Variants in NPC1 observed in about 807,000 individuals in gnomAD.
NPC1 encodes Niemann-Pick C1 protein.
A neutral mutation model predicts 140.4 loss-of-function variants in NPC1; 85 were observed. That is an observed-to-expected ratio of 0.61 (90% CI 0.51 to 0.72). The LOEUF (loss-of-function observed/expected upper bound fraction) is 0.72, where lower values mean the gene tolerates loss of function less well. Among genes scored for constraint, NPC1 ranks in the 30% least tolerant of loss-of-function variants. The pLI is 0.00. For missense variants in NPC1, 1,504 were observed against 1,623.8 expected, an observed-to-expected ratio of 0.93 and a Z score of 1.27; for synonymous variants, 656 against 624.8, an observed-to-expected ratio of 1.05 and a Z score of -0.74.
intron 1 of NPC1, among the ~76,000 whole-genome samples, chr18:23,585,447 C>T (rs1387997796): frequency 6.6e-6 from 1 of 152,170 alleles, no homozygotes; most frequent in East Asian, 1.9e-4. Flanking sequence ...TCCCCTGATT[C>T]ACCACTTCCT....
intron 3 of NPC1, among the ~76,000 whole-genome samples, chr18:23,512,112 C>G (rs904134564): frequency 1.7e-4 from 25 of 151,208 alleles, no homozygotes; most frequent in Admixed American, 1.6e-3. Context: ...CCTCCACCTC[C>G]TGGGTTCAAG....
Position 23,539,488 on chromosome 18 carries a change from G to A in NPC1, c.2796-18C>T. The A allele has an allele frequency of 6.5e-7, 1 of 1,544,122 alleles. No homozygotes were observed. Among genetic ancestry groups the A allele is most frequent in the Admixed American group, 1.7e-5 (1 of 59,616 alleles). On this transcript the variant is annotated intron_variant, in intron 18 of 24. Transcript: ENST00000269228. ...TTCGGGTACTAGAGAGGACAGACAG[G>A]GTTACTGACCTGCTCCACAGGGAGG...
Position 23,544,890 on chromosome 18 carries a change from G to A in NPC1, c.1947+70C>T, listed in dbSNP as rs1598955742. The A allele has an allele frequency of 6.2e-6, 7 of 1,135,934 alleles. No individual in the cohort carries two copies. The East Asian group carries it at 1.7e-4, about 27-fold the overall frequency. 70.4% of individuals were successfully genotyped at this position (1,135,934 alleles called of 1,614,324 possible). On this transcript the variant is annotated intron_variant, in intron 12 of 24. Coordinates refer to ENST00000269228, the MANE Select transcript of NPC1 (RefSeq NM_000271.5). ...AACATAATGGAATAAGAATAAAGAG[G>A]CAAAAATATGACGTTACACTGTGCA...
downstream of NPC1, chr18:23,530,062 T>G (rs1164820747): frequency 1.2e-6 from 2 of 1,614,224 alleles, no homozygotes; most frequent in Non-Finnish European, 1.7e-6. Flanking sequence ...AAAACCCTTG[T>G]CCAGCACAAC....
intron 3 of NPC1, among the ~76,000 whole-genome samples, chr18:23,512,973 AG>A (rs2057902641): frequency 6.6e-6 from 1 of 151,604 alleles, no homozygotes; most frequent in Non-Finnish European, 1.5e-5. Context: ...TTTTTTTTTA[AG>A]ATGGAGTCTT....
At chr18:23,514,975 A>AGT (rs2057961763) in intron 3 of NPC1, among the ~76,000 whole-genome samples, 2 of 152,260 alleles carry the variant, frequency 1.3e-5, no homozygotes, top group Admixed American at 1.3e-4. Flanking sequence ...TGGATTATAA[A>AGT]GTACTGCATT....
At chr18:23,530,306 G>C (rs776428229), downstream of NPC1, 3 of 1,614,090 alleles carry the variant, frequency 1.9e-6, no homozygotes, top group African/African-American at 4.0e-5. Flanking sequence ...AGGTAACTCT[G>C]ATGTGTGAGG....
At chr18:23,569,376 G>A (rs1019394149) in intron 3 of NPC1, among the ~76,000 whole-genome samples, 1 of 152,186 alleles carries the variant, frequency 6.6e-6, no homozygotes, top group African/African-American at 2.4e-5. Flanking sequence ...CAGGCTGAGT[G>A]CAGTGGTGTG....
At chr18:23,571,526 A>G (rs999393963) in intron 3 of NPC1, among the ~76,000 whole-genome samples, 2 of 152,066 alleles carry the variant, frequency 1.3e-5, no homozygotes, top group African/African-American at 4.8e-5. Context: ...GTGTGGTGGC[A>G]TGTGCCTGCA....
rs886998271 is a variant in NPC1 at position 23,531,887 on chromosome 18, C to T, written c.*315G>A. 3 of 1,420,970 alleles carry T rather than the reference C, an allele frequency of 2.1e-6. No homozygotes were observed. Among genetic ancestry groups the T allele is most frequent in the African/African-American group, 2.9e-5 (2 of 69,402 alleles). The allele number at this position is 1,420,970 out of a possible 1,614,324, so 88.0% of individuals were successfully genotyped here. ...AGAGACAGACAGTGCATTGATTGGC[C>T]TTTACAGAGTGTCAGTGAGCGGATC... On this transcript the variant is annotated 3_prime_UTR_variant, in exon 25 of 25. Coordinates refer to ENST00000269228, the MANE Select transcript of NPC1 (RefSeq NM_000271.5).
chr18:23,572,417 C>T (rs1265927006), intron 2 of NPC1, among the ~76,000 whole-genome samples: 1 of 152,026 alleles, frequency 6.6e-6, no homozygotes, highest in East Asian at 1.9e-4. Context: ...CTCTCCTCTC[C>T]TGACAATCAT....
At chr18:23,558,010 T>TA (rs2058979992) in intron 6 of NPC1, among the ~76,000 whole-genome samples, 2 of 151,898 alleles carry the variant, frequency 1.3e-5, no homozygotes, top group Admixed American at 6.6e-5. Flanking sequence ...CCCACAGAAT[T>TA]AAAAGTCCAT....
intron 4 of NPC1, among the ~76,000 whole-genome samples, chr18:23,563,510 C>T (rs1475740821): frequency 1.3e-5 from 2 of 151,998 alleles, no homozygotes; most frequent in African/African-American, 4.8e-5. Flanking sequence ...CAACCTCTGC[C>T]CCTCAGGCTC....
Position 23,541,342 on chromosome 18 carries a change from GA to G in NPC1, c.2336del (p.Phe779SerfsTer2). The G allele has an allele frequency of 1.2e-6, 2 of 1,614,216 alleles. No homozygotes were observed. Among genetic ancestry groups the G allele is most frequent in the Non-Finnish European group, 1.7e-6 (2 of 1,180,040 alleles). On this transcript the variant is annotated frameshift_variant, in exon 15 of 25. Coordinates refer to ENST00000269228, the MANE Select transcript of NPC1 (RefSeq NM_000271.5). LOFTEE classifies it high-confidence loss of function. ...TAATGTCTAACCCCAAGAGACTCACGAAACAGGTAATCTGCAGAAGAAAGTC... is the reference window on the plus strand; with the variant it reads ...TAATGTCTAACCCCAAGAGACTCACGAACAGGTAATCTGCAGAAGAAAGTC... ...FIDFLLQITC[F>X]VSLLGLDIKR...
intron 1 of NPC1, among the ~76,000 whole-genome samples, chr18:23,575,365 G>A (rs773052162): frequency 1.3e-5 from 2 of 152,152 alleles, no homozygotes; most frequent in African/African-American, 2.4e-5. Context: ...AAGGCGGCAC[G>A]GAGTGGGATC....
chr18:23,529,077 T>C (rs2058399618), downstream of NPC1: 3 of 1,504,976 alleles, frequency 2.0e-6, no homozygotes, highest in Admixed American at 2.2e-5. Context: ...TCCGCTCATA[T>C]CCTGGGTCCA....
chr18:23,540,396 TTCA>T (rs1476596912), intron 17 of NPC1, 49 bp downstream of exon 17: 5 of 1,165,324 alleles, frequency 4.3e-6, no homozygotes, highest in Non-Finnish European at 1.3e-6. Context: ...GAAAAATGTA[TTCA>T]TCATCAGCTA....
intron 1 of NPC1, among the ~76,000 whole-genome samples, chr18:23,579,365 C>T (rs1329493456): frequency 2.0e-5 from 3 of 152,204 alleles, no homozygotes; most frequent in Non-Finnish European, 4.4e-5. Flanking sequence ...CTTGTCAAAA[C>T]TCACAATGAG....
chr18:23,537,091 C>T (rs1286811352), intron 20 of NPC1, among the ~76,000 whole-genome samples: 1 of 151,774 alleles, frequency 6.6e-6, no homozygotes, highest in African/African-American at 2.4e-5. Flanking sequence ...TATTTTGAGA[C>T]AGAGTCTTGC....
Sources: allele counts gnomAD v4.1 joint callset (sites outside exome capture counted in the v4.1 genomes callset), GRCh38; gene constraint gnomAD v4.1.1; transcripts MANE v1.5; gene names NCBI Gene and HGNC (gene_info 2026-07-23, HGNC 2026-07-21).